The following A4GALT variants were observed in gnomAD, a reference collection of about 807,000 sequenced individuals.
A4GALT encodes alpha 1,4-galactosyltransferase (P1PK blood group), also known as lactosylceramide 4-alpha-galactosyltransferase.
For synonymous variants in A4GALT, 257 were observed against 220.7 expected (o/e 1.16, Z -1.46); for missense variants, 512 against 486.0 (o/e 1.05, Z -0.50).
rs536131411 is a variant in A4GALT at position 42,697,505 on chromosome 22, G to T, written c.-187-1874C>A. The stretch of plus-strand genomic sequence containing the variant: ...AGCAGGAGCCTCTGCCCACTTGGGG[G>T]CCCCGAGTGCTGGCATGATCTGACT... On this transcript the variant is annotated intron_variant, in intron 1 of 2. Transcript: ENST00000642412. Among the ~76,000 whole-genome samples the T allele has an allele frequency of 3.3e-5, 5 of 152,226 alleles. No individual in the cohort carries two copies. In the South Asian group the frequency reaches 1.0e-3, roughly 32 times the overall value.
At position 42,705,665 on chromosome 22, in the gene A4GALT, G is replaced by A. The variant is rs1358887420; in HGVS notation, c.-187-10034C>T. Reference sequence around the variant, plus strand: ...ACTGGCACAAGACAAATACAAATTCGAATCCAAAATTACAGCATGAATTTA... The same window carrying A: ...ACTGGCACAAGACAAATACAAATTCAAATCCAAAATTACAGCATGAATTTA... On this transcript the variant is annotated intron_variant, in intron 1 of 2. Transcript: ENST00000642412. 2.4e-5 allele frequency among the ~76,000 whole-genome samples: 3 copies of A among 122,994 alleles called. 1 individual carries two copies. The highest frequency in any genetic ancestry group is 5.7e-5 in the Non-Finnish European group (3 of 53,020). 80.7% of individuals were successfully genotyped at this position (122,994 alleles called of 152,430 possible). A position where few individuals can be genotyped will look rare whatever the true frequency, so the allele number is the denominator to read the frequency against.
chr22:42,703,577 C>T (rs1285209349), intron 1 of A4GALT, among the ~76,000 whole-genome samples: 1 of 152,036 alleles, frequency 6.6e-6, no homozygotes, highest in Non-Finnish European at 1.5e-5. Context: ...GTTTTGCAAA[C>T]TCTGAAAGTG....
chr22:42,720,016 G>A (rs1166084048), intron 1 of A4GALT, among the ~76,000 whole-genome samples: 3 of 152,188 alleles, frequency 2.0e-5, no homozygotes, highest in Non-Finnish European at 4.4e-5. Flanking sequence ...ATGAAACTGA[G>A]GGAAGGGGAC....
chr22:42,704,692 C>T (rs902038202), intron 1 of A4GALT, among the ~76,000 whole-genome samples: 1 of 151,934 alleles, frequency 6.6e-6, no homozygotes, highest in African/African-American at 2.4e-5. Context: ...GGGAGGTGGA[C>T]TTCATTCCAG....
chr22:42,693,365 A>G lies in A4GALT; in HGVS notation c.587T>C (p.Ile196Thr), dbSNP rs1454839506. 6.2e-7 allele frequency: 1 copy of G among 1,613,324 alleles called. No individual in the cohort carries two copies. The highest frequency in any genetic ancestry group is 1.7e-5 in the Admixed American group (1 of 60,022). Residue 196 changes from isoleucine (I) to threonine (T), a missense_variant, in exon 3 of 3, where the codon ATT (isoleucine) becomes ACT (threonine). Transcript: ENST00000642412. ...CAGGTTCCGCAGGTTCTTGAGAACA[A>G]TGAAGTCCGTGTCCAGGTAGATGCC... ...FGGIYLDTDF[I>T]VLKNLRNLTN... is the part of the protein sequence containing the mutation.
At chr22:42,715,720 T>C (rs554316336) in intron 1 of A4GALT, among the ~76,000 whole-genome samples, 84 of 151,722 alleles carry the variant, frequency 5.5e-4, no homozygotes, top group African/African-American at 1.7e-3. Context: ...TCTCAAAAAT[T>C]ATATTTAAAA....
intron 1 of A4GALT, among the ~76,000 whole-genome samples, chr22:42,697,590 G>A (rs135108): frequency 0.076 from 11,533 of 152,100 alleles, 542 homozygotes; most frequent in Non-Finnish European, 0.1. Context: ...TCGGACCACA[G>A]TTGGGGGTGC....
At chr22:42,714,290 A>G (rs1921965622) in intron 1 of A4GALT, among the ~76,000 whole-genome samples, 1 of 148,200 alleles carries the variant, frequency 6.7e-6, no homozygotes, top group Non-Finnish European at 1.5e-5. Context: ...AAAAAAAAAA[A>G]AAAAAAAAAA....
At chr22:42,709,059 A>G (rs1921425350) in intron 1 of A4GALT, among the ~76,000 whole-genome samples, 1 of 103,752 alleles carries the variant, frequency 9.6e-6, no homozygotes, top group Admixed American at 1.0e-4. Flanking sequence ...ATATATATAT[A>G]TATATATATT....
intron 1 of A4GALT, among the ~76,000 whole-genome samples, chr22:42,719,719 G>A (rs1922522909): frequency 6.6e-6 from 1 of 152,010 alleles, no homozygotes; most frequent in Non-Finnish European, 1.5e-5. Context: ...CATTCTTTGG[G>A]AGGAGGTGAC....
At chr22:42,708,285 G>A (rs1443246407) in intron 1 of A4GALT, among the ~76,000 whole-genome samples, 2 of 152,110 alleles carry the variant, frequency 1.3e-5, no homozygotes, top group African/African-American at 2.4e-5. Flanking sequence ...TACTTGGGAG[G>A]CTGAGGCAGG....
At chr22:42,708,025 A>C (rs1921308544) in intron 1 of A4GALT, among the ~76,000 whole-genome samples, 1 of 151,686 alleles carries the variant, frequency 6.6e-6, no homozygotes, top group Non-Finnish European at 1.5e-5. Context: ...AGGCTGAGCC[A>C]GGCAGATCAC....
At chr22:42,719,126 C>T (rs540950474) in intron 1 of A4GALT, among the ~76,000 whole-genome samples, 12 of 152,178 alleles carry the variant, frequency 7.9e-5, no homozygotes, top group East Asian at 1.9e-4. Flanking sequence ...GCCCATCACA[C>T]GAACTGGAAA....
At chr22:42,702,895 G>A (rs1920932574) in intron 1 of A4GALT, among the ~76,000 whole-genome samples, 1 of 144,146 alleles carries the variant, frequency 6.9e-6, no homozygotes, top group African/African-American at 2.9e-5. Flanking sequence ...TGAGGGATGC[G>A]GGGATTACTC....
At chr22:42,700,390 C>G (rs541380132) in intron 1 of A4GALT, among the ~76,000 whole-genome samples, 3 of 152,312 alleles carry the variant, frequency 2.0e-5, no homozygotes, top group East Asian at 1.9e-4. Flanking sequence ...GGAACTGGAA[C>G]TCCAGGAGCA....
chr22:42,699,837 T>C (rs1363648408), intron 1 of A4GALT, among the ~76,000 whole-genome samples: 2 of 152,134 alleles, frequency 1.3e-5, no homozygotes, highest in East Asian at 3.9e-4. Context: ...CCAGATGAGA[T>C]TACCATTCGA....
intron 1 of A4GALT, among the ~76,000 whole-genome samples, chr22:42,708,393 T>C (rs963052550): frequency 6.6e-6 from 1 of 151,202 alleles, no homozygotes; most frequent in Non-Finnish European, 1.5e-5. Flanking sequence ...AATAAAAAAA[T>C]TTAGCCAGGT....
chr22:42,715,089 G>T (rs538703133), intron 1 of A4GALT, among the ~76,000 whole-genome samples: 3 of 151,664 alleles, frequency 2.0e-5, no homozygotes, highest in African/African-American at 7.3e-5. Context: ...GGGGAGGGTG[G>T]GCCACAGGGG....
intron 1 of A4GALT, among the ~76,000 whole-genome samples, chr22:42,701,963 G>A (rs1931327594): frequency 6.6e-6 from 1 of 152,304 alleles, no homozygotes; most frequent in Admixed American, 6.5e-5. Flanking sequence ...AGAAGTCAAT[G>A]ACGGAACCTT....
Sources: gnomAD v4.1 joint callset for allele counts (sites outside exome capture counted in the v4.1 genomes callset) on GRCh38, gnomAD v4.1.1 for gene constraint, MANE v1.5 for transcripts, NCBI Gene and HGNC (gene_info 2026-07-23, HGNC 2026-07-21) for gene names.